DPYD: variants seen among roughly 807,000 people sequenced by gnomAD.
The protein encoded by DPYD is dihydropyrimidine dehydrogenase, also known as dihydropyrimidine dehydrogenase [NADP(+)].
Under a neutral mutation model 116.2 loss-of-function variants are expected in DPYD, and 109 were observed. That is an observed-to-expected ratio of 0.94 (90% CI 0.80 to 1.10). The LOEUF (loss-of-function observed/expected upper bound fraction) is 1.10. Among genes scored for constraint, DPYD ranks in the 50% least tolerant of loss-of-function variants. The probability of loss-of-function intolerance (pLI) is 0.00; values close to 1 mark genes in which losing one functional copy is unlikely to be tolerated. For synonymous variants in DPYD, 440 were observed against 432.0 expected, an observed-to-expected ratio of 1.02 and a Z score of -0.23; for missense variants, 1,302 against 1,254.5, an observed-to-expected ratio of 1.04 and a Z score of -0.57.
chr1:97,910,189 T>A (rs1011265248), intron 1 of DPYD, among the ~76,000 whole-genome samples: 1 of 152,084 alleles, frequency 6.6e-6, no homozygotes, highest in Non-Finnish European at 1.5e-5. Context: ...TTAAAGAAAT[T>A]TTTTTTACTA....
chr1:97,095,744 T>C (rs1428055862), intron 21 of DPYD, among the ~76,000 whole-genome samples: 59 of 152,112 alleles, frequency 3.9e-4, no homozygotes, highest in Admixed American at 3.9e-3. Flanking sequence ...TAATCTCTAA[T>C]TTTCTAAAGA....
chr1:97,240,016 G>A (rs1043560870), intron 18 of DPYD, among the ~76,000 whole-genome samples: 4 of 152,034 alleles, frequency 2.6e-5, no homozygotes, highest in African/African-American at 9.7e-5. Context: ...CTATGTTCTT[G>A]TGTGTTTAGT....
intron 18 of DPYD, among the ~76,000 whole-genome samples, chr1:97,284,645 T>C (rs766622338): frequency 6.6e-6 from 1 of 152,140 alleles, no homozygotes; most frequent in Non-Finnish European, 1.5e-5. Context: ...TGAATATAAA[T>C]GTATATTCAT....
rs556221852 is a variant in DPYD at position 97,752,768 on chromosome 1, C to T, written c.234-12289G>A. On this transcript the variant is annotated intron_variant, in intron 3 of 22. Coordinates refer to ENST00000370192, the MANE Select transcript of DPYD (RefSeq NM_000110.4). ...CATTCTGATCTCTCTAATAGCACCC[C>T]GTGGGTTCCCTTATCAAAGCAATTA... 6.6e-5 allele frequency among the ~76,000 whole-genome samples: 10 copies of T among 152,268 alleles called. No individual in the cohort carries two copies. The South Asian group carries it at 1.9e-3, about 28-fold the overall frequency.
intron 18 of DPYD, among the ~76,000 whole-genome samples, chr1:97,242,138 A>G (rs1207566674): frequency 1.0e-5 from 1 of 96,406 alleles, no homozygotes; most frequent in Non-Finnish European, 2.2e-5. Flanking sequence ...ATATATATAT[A>G]TATATATATA....
chr1:97,644,619 GTT>G (rs373133269), intron 8 of DPYD, among the ~76,000 whole-genome samples: 1 of 139,372 alleles, frequency 7.2e-6, no homozygotes. Context: ...TTTTGTTTTT[GTT>G]TTTTTTTTTT....
At chr1:97,424,751 G>T (rs116047172) in intron 14 of DPYD, among the ~76,000 whole-genome samples, 2 of 151,950 alleles carry the variant, frequency 1.3e-5, no homozygotes, top group East Asian at 3.9e-4. Flanking sequence ...GGATTCTTCT[G>T]CCCACAGTGA....
chr1:97,692,777 T>A (rs61789257), intron 6 of DPYD, among the ~76,000 whole-genome samples: 12,265 of 152,192 alleles, frequency 0.081, 641 homozygotes, highest in Middle Eastern at 0.11. Context: ...GAGAAGTATA[T>A]CCATTATATC....
intron 14 of DPYD, among the ~76,000 whole-genome samples, chr1:97,407,506 T>C (rs1673733016): frequency 6.6e-6 from 1 of 152,182 alleles, no homozygotes; most frequent in African/African-American, 2.4e-5. Flanking sequence ...CTATGTCTTC[T>C]AGCTCATCAT....
intron 1 of DPYD, among the ~76,000 whole-genome samples, chr1:97,920,076 A>C (rs1046675164): frequency 2.0e-5 from 3 of 152,178 alleles, no homozygotes; most frequent in Non-Finnish European, 4.4e-5. Context: ...GAAAACTAAA[A>C]ATCAGTTTGT....
chr1:97,459,453 A>C (rs1328307678), intron 13 of DPYD, among the ~76,000 whole-genome samples: 1 of 152,152 alleles, frequency 6.6e-6, no homozygotes, highest in Non-Finnish European at 1.5e-5. Context: ...AACTGAGGAA[A>C]ATACGTTTTT....
chr1:97,466,867 A>G (rs139565351), intron 13 of DPYD, among the ~76,000 whole-genome samples: 2 of 152,272 alleles, frequency 1.3e-5, no homozygotes, highest in Non-Finnish European at 2.9e-5. Flanking sequence ...CCATAAATAT[A>G]CCAAAGAACT....
At chr1:97,326,006 A>T (rs896688631) in intron 16 of DPYD, among the ~76,000 whole-genome samples, 1 of 151,720 alleles carries the variant, frequency 6.6e-6, no homozygotes, top group Non-Finnish European at 1.5e-5. Context: ...CATAACTCTT[A>T]TATATGTCTA....
intron 20 of DPYD, among the ~76,000 whole-genome samples, chr1:97,135,672 T>C (rs1156424045): frequency 1.3e-5 from 2 of 152,158 alleles, no homozygotes; most frequent in Non-Finnish European, 2.9e-5. Flanking sequence ...AAATAGTGTC[T>C]TTTTTCTTTC....
intron 18 of DPYD, among the ~76,000 whole-genome samples, chr1:97,245,090 T>C (rs1295232446): frequency 1.3e-5 from 2 of 152,128 alleles, no homozygotes; most frequent in African/African-American, 4.8e-5. Flanking sequence ...GAGAACCTAT[T>C]AAGTACCAGT....
At chr1:97,570,095 T>C (rs1052742438) in intron 11 of DPYD, among the ~76,000 whole-genome samples, 1 of 152,018 alleles carries the variant, frequency 6.6e-6, no homozygotes, top group Non-Finnish European at 1.5e-5. Flanking sequence ...ATATTAGGTG[T>C]ATAACACTAA....
At chr1:97,695,172 A>T (rs1661226051) in intron 6 of DPYD, among the ~76,000 whole-genome samples, 2 of 152,124 alleles carry the variant, frequency 1.3e-5, no homozygotes, top group African/African-American at 2.4e-5. Context: ...TAATTACTTC[A>T]ATTCTGTCAT....
At chr1:97,651,917 T>C (rs1377808457) in intron 8 of DPYD, among the ~76,000 whole-genome samples, 1 of 152,094 alleles carries the variant, frequency 6.6e-6, no homozygotes, top group Non-Finnish European at 1.5e-5. Context: ...GCTATTAAAA[T>C]CATTTCAGAA....
At chr1:97,199,047 T>C (rs548285510) in intron 19 of DPYD, among the ~76,000 whole-genome samples, 2 of 152,312 alleles carry the variant, frequency 1.3e-5, no homozygotes, top group South Asian at 2.1e-4. Flanking sequence ...ACTGTACAAA[T>C]ACCTGGATGG....
Sources: allele counts gnomAD v4.1 joint callset (sites outside exome capture counted in the v4.1 genomes callset), GRCh38; gene constraint gnomAD v4.1.1; transcripts MANE v1.5; gene names NCBI Gene and HGNC (gene_info 2026-07-23, HGNC 2026-07-21).